The following GRIK4 variants were observed in gnomAD, a reference collection of about 807,000 sequenced individuals.
GRIK4 encodes glutamate ionotropic receptor kainate type subunit 4, also known as glutamate receptor ionotropic, kainate 4.
In GRIK4, 40 loss-of-function variants were observed where a neutral mutation model predicts 104.9. The observed-to-expected ratio is 0.38, with a 90% CI of 0.30 to 0.50. GRIK4 has a LOEUF of 0.50. Ranked by LOEUF, GRIK4 falls within the 20% of genes least tolerant of loss-of-function variation. The pLI, the probability that GRIK4 is intolerant of heterozygous loss-of-function variation, is 0.93. For missense variants in GRIK4, 1,047 were observed against 1,308.1 expected, an observed-to-expected ratio of 0.80 and a Z score of 3.08; for synonymous variants, 485 against 524.9, an observed-to-expected ratio of 0.92 and a Z score of 1.04.
intron 8 of GRIK4, among the ~76,000 whole-genome samples, chr11:120,849,517 G>C (rs997457173): frequency 3.9e-5 from 6 of 152,178 alleles, no homozygotes; most frequent in Non-Finnish European, 7.3e-5. Flanking sequence ...ATTTCCCAAA[G>C]CTGGTATTCT....
At chr11:120,517,145 T>A (rs1947738344) in intron 1 of GRIK4, among the ~76,000 whole-genome samples, 1 of 149,232 alleles carries the variant, frequency 6.7e-6, no homozygotes, top group African/African-American at 2.5e-5. Context: ...AGCGTGGAGC[T>A]GCCATCCAAA....
At chr11:120,536,245 C>T (rs1025546307) in intron 1 of GRIK4, among the ~76,000 whole-genome samples, 4 of 152,348 alleles carry the variant, frequency 2.6e-5, no homozygotes, top group Middle Eastern at 3.4e-3. Flanking sequence ...GGTCCTGCAG[C>T]TCTGAGAACA....
chr11:120,745,329 AT>A (rs974189651), intron 3 of GRIK4, among the ~76,000 whole-genome samples: 6 of 151,876 alleles, frequency 4.0e-5, no homozygotes, highest in African/African-American at 9.7e-5. Context: ...AAATCTATAA[AT>A]TTTTTTTTCT....
intron 3 of GRIK4, among the ~76,000 whole-genome samples, chr11:120,801,321 G>C (rs1952617695): frequency 6.6e-6 from 1 of 152,186 alleles, no homozygotes; most frequent in Non-Finnish European, 1.5e-5. Context: ...CACTTCCCGG[G>C]TTCAAGTGAT....
chr11:120,694,635 G>A (rs910777008), intron 3 of GRIK4, among the ~76,000 whole-genome samples: 10 of 152,064 alleles, frequency 6.6e-5, no homozygotes, highest in East Asian at 3.9e-4. Flanking sequence ...GCCAGCTAGC[G>A]CCTACTTCTA....
chr11:120,515,229 G>C (rs1343490927), intron 1 of GRIK4, among the ~76,000 whole-genome samples: 5 of 152,168 alleles, frequency 3.3e-5, no homozygotes, highest in Admixed American at 2.6e-4. Context: ...TCAAGGTGCT[G>C]CTGGAAGAGG....
intron 1 of GRIK4, among the ~76,000 whole-genome samples, chr11:120,574,391 C>T (rs1350037716): frequency 2.6e-5 from 4 of 152,186 alleles, no homozygotes; most frequent in African/African-American, 9.7e-5. Context: ...TGTGGTGACA[C>T]CTTACGTATA....
chr11:120,920,527 G>A (rs1162676179), intron 13 of GRIK4, among the ~76,000 whole-genome samples: 5 of 152,154 alleles, frequency 3.3e-5, no homozygotes, highest in African/African-American at 7.2e-5. Flanking sequence ...AACACAGAGT[G>A]CACATGTGTC....
intron 3 of GRIK4, among the ~76,000 whole-genome samples, chr11:120,699,371 C>G (rs12291927): frequency 0.12 from 18,066 of 152,222 alleles, 1,151 homozygotes; most frequent in South Asian, 0.2. Flanking sequence ...CCATGACAAA[C>G]CAAGTCTTTA....
intron 1 of GRIK4, among the ~76,000 whole-genome samples, chr11:120,528,834 ACCTCCCACCAGTTT>A (rs1947892126): frequency 6.6e-6 from 1 of 152,052 alleles, no homozygotes; most frequent in South Asian, 2.1e-4. Flanking sequence ...TGATTCAATG[ACCTCCCACCAGTTT>A]CCTCCCACGA....
At chr11:120,597,339 T>C (rs1327722365) in intron 1 of GRIK4, among the ~76,000 whole-genome samples, 1 of 152,172 alleles carries the variant, frequency 6.6e-6, no homozygotes, top group African/African-American at 2.4e-5. Context: ...CTGGGGAGGA[T>C]GCAGTGAGAT....
chr11:120,967,287 G>A lies in GRIK4; in HGVS notation c.2359G>A (p.Gly787Arg). Residue 787 changes from glycine (G) to arginine (R), a missense_variant, in exon 19 of 21, where the codon GGG (glycine) becomes AGG (arginine). Coordinates refer to ENST00000527524, the MANE Select transcript of GRIK4 (RefSeq NM_014619.5). This position sits in a 1 kb window ranked among gnomAD's most constrained non-coding sequence, Gnocchi z 4.2. ...EILKRKWWEG[G>R]KCPKEEDHRA... ...CCTGAAGCGCAAATGGTGGGAAGGA[G>A]GGAAGTGCCCCAAGGAGGAAGATCA... 6.2e-7 allele frequency: 1 copy of A among 1,613,924 alleles called. No homozygotes were observed. Among genetic ancestry groups the A allele is most frequent in the African/African-American group, 1.3e-5 (1 of 75,046 alleles).
intron 1 of GRIK4, among the ~76,000 whole-genome samples, chr11:120,592,642 C>T (rs1028942159): frequency 6.6e-6 from 1 of 152,118 alleles, no homozygotes; most frequent in African/African-American, 2.4e-5. Context: ...CTCAGCACTT[C>T]CCACACCCTC....
At chr11:120,942,562 T>C (rs1456608858) in intron 14 of GRIK4, among the ~76,000 whole-genome samples, 2 of 152,162 alleles carry the variant, frequency 1.3e-5, no homozygotes, top group Non-Finnish European at 2.9e-5. Context: ...CCAAGTGTTT[T>C]TGCCACCAGG....
At position 120,819,606 on chromosome 11, in the gene GRIK4, G is replaced by T; in HGVS notation, c.346-149G>T. On this transcript the variant is annotated intron_variant, in intron 5 of 20. Transcript: ENST00000527524. This position sits in a 1 kb window ranked among gnomAD's most constrained non-coding sequence, Gnocchi z 4.3. Reference sequence around the variant, plus strand: ...CGCTCGTCTTCCTCCCACGGAGTGGGTGCCCTGGGAGCTCCTTCTCCCATT... The same window carrying T: ...CGCTCGTCTTCCTCCCACGGAGTGGTTGCCCTGGGAGCTCCTTCTCCCATT... 1.1e-5 allele frequency: 8 copies of T among 698,744 alleles called. 1 individual carries two copies. The South Asian group carries it at 1.4e-4, about 12-fold the overall frequency. The allele number at this position is 698,744 out of a possible 1,614,324, so 43.3% of individuals were successfully genotyped here.
intron 3 of GRIK4, among the ~76,000 whole-genome samples, chr11:120,788,332 G>A (rs1346551991): frequency 1.3e-5 from 2 of 151,974 alleles, no homozygotes; most frequent in Non-Finnish European, 2.9e-5. Flanking sequence ...GGTGGCGGGC[G>A]GCATTGCCGT....
chr11:120,779,647 G>GTAA (rs35343601), intron 3 of GRIK4, among the ~76,000 whole-genome samples: 6,542 of 151,810 alleles, frequency 0.043, 429 homozygotes, highest in African/African-American at 0.15. Context: ...CATCTGCAAA[G>GTAA]TAATAATAAT....
Position 120,939,048 on chromosome 11 carries a change from A to G in GRIK4, c.1477-1299A>G, listed in dbSNP as rs1402084426. Reference sequence around the variant, plus strand: ...TTTATGGATGAGGTTAAGGGAGCCTAGAGAAGTGAAGTGACTAGTCCAGGT... The same window carrying G: ...TTTATGGATGAGGTTAAGGGAGCCTGGAGAAGTGAAGTGACTAGTCCAGGT... On this transcript the variant is annotated intron_variant, in intron 13 of 20. Transcript: ENST00000527524. This position sits in a 1 kb window ranked among gnomAD's most constrained non-coding sequence, Gnocchi z 5.6. Among the ~76,000 whole-genome samples, 2 of 152,176 alleles carry G rather than the reference A, an allele frequency of 1.3e-5. No individual in the cohort carries two copies. Among genetic ancestry groups the G allele is most frequent in the Non-Finnish European group, 2.9e-5 (2 of 68,022 alleles).
intron 8 of GRIK4, among the ~76,000 whole-genome samples, chr11:120,843,489 C>T (rs1953772174): frequency 6.6e-6 from 1 of 152,234 alleles, no homozygotes; most frequent in African/African-American, 2.4e-5. Context: ...AGTTCCAGTC[C>T]TGCTACTAAC....
Sources: gnomAD v4.1 joint callset for allele counts (sites outside exome capture counted in the v4.1 genomes callset) on GRCh38, gnomAD v4.1.1 for gene constraint, Gnocchi (gnomAD v3.1) non-coding constraint, MANE v1.5 for transcripts, NCBI Gene and HGNC (gene_info 2026-07-23, HGNC 2026-07-21) for gene names.